The following DUS4L variants were observed in gnomAD, a reference collection of about 807,000 sequenced individuals.
The protein encoded by DUS4L is dihydrouridine synthase 4 like.
In DUS4L, 31 loss-of-function variants were observed where a neutral mutation model predicts 33.8. That is an observed-to-expected ratio of 0.92 (90% CI 0.69 to 1.24). The LOEUF is 1.24. DUS4L is among the 50% of genes most tolerant of loss of function. The pLI is 0.00. For missense variants in DUS4L, 368 were observed against 388.6 expected, an observed-to-expected ratio of 0.95 and a Z score of 0.45; for synonymous variants, 103 against 120.3, an observed-to-expected ratio of 0.86 and a Z score of 0.94.
intron 7 of DUS4L, 165 bp from the exon 8 acceptor site, chr7:107,577,148 C>A: frequency 2.1e-6 from 2 of 974,750 alleles, no homozygotes; most frequent in Non-Finnish European, 2.9e-6. Context: ...CAAAAGGTAC[C>A]AAAATTAATT....
At position 107,578,242 on chromosome 7, in the gene DUS4L, GAAT is replaced by G. The variant is rs1364569131; in HGVS notation, c.*684_*686del. ...TTATATATTTGAAATATTTCCTAGAGAATAGTAACCAGGTTTTGTTTTTAACTT... is the reference window on the plus strand; with the variant it reads ...TTATATATTTGAAATATTTCCTAGAGAGTAACCAGGTTTTGTTTTTAACTT... On this transcript the variant is annotated 3_prime_UTR_variant, in exon 8 of 8. Transcript: ENST00000265720. 6.6e-6 allele frequency: 1 copy of G among 152,120 alleles called. No homozygotes were observed. The highest frequency in any genetic ancestry group is 1.5e-5 in the Non-Finnish European group (1 of 68,014). 9.4% of individuals were successfully genotyped at this position (152,120 alleles called of 1,614,324 possible). A position where few individuals can be genotyped will look rare whatever the true frequency, so the allele number is the denominator to read the frequency against.
chr7:107,576,921 TC>T (rs1452855462), intron 7 of DUS4L: 5 of 291,940 alleles, frequency 1.7e-5, no homozygotes, highest in Non-Finnish European at 3.2e-5. Context: ...GCTAAAGGAA[TC>T]CCAGAACTGC....
At position 107,564,086 on chromosome 7, in the gene DUS4L, C is replaced by T; in HGVS notation, c.-234C>T. On this transcript the variant is annotated 5_prime_UTR_variant, in exon 1 of 8. Coordinates refer to ENST00000265720, the MANE Select transcript of DUS4L (RefSeq NM_181581.3). ...TACTCGAGCAGTGGGCGCCCAGGGT[C>T]CGAGTGCTCTGCGCCCAGCGCACCG... The T allele has an allele frequency of 1.5e-6, 2 of 1,338,572 alleles. No individual in the cohort carries two copies. The highest frequency in any genetic ancestry group is 2.5e-5 in the South Asian group (2 of 78,774). The allele number at this position is 1,338,572 out of a possible 1,614,324, so 82.9% of individuals were successfully genotyped here.
intron 5 of DUS4L, chr7:107,574,930 T>C (rs566906341): frequency 1.1e-5 from 5 of 446,386 alleles, no homozygotes; most frequent in East Asian, 5.3e-5. Context: ...TTTAAACCTG[T>C]TTTGGTTGAA....
intron 7 of DUS4L, 109 bp downstream of exon 7, chr7:107,576,701 T>G: frequency 9.2e-7 from 1 of 1,087,622 alleles, no homozygotes; most frequent in Non-Finnish European, 1.3e-6. Flanking sequence ...AGCCATATTT[T>G]CCCATTGTAC....
chr7:107,564,069 C>T lies in DUS4L; in HGVS notation c.-251C>T, dbSNP rs1181716725. 6 of 1,452,454 alleles carry T rather than the reference C, an allele frequency of 4.1e-6. No homozygotes were observed. The highest frequency in any genetic ancestry group is 5.6e-6 in the Non-Finnish European group (6 of 1,072,152). 90.0% of individuals were successfully genotyped at this position (1,452,454 alleles called of 1,614,324 possible). A position where few individuals can be genotyped will look rare whatever the true frequency, so the allele number is the denominator to read the frequency against. On this transcript the variant is annotated 5_prime_UTR_variant, in exon 1 of 8. Coordinates refer to ENST00000265720, the MANE Select transcript of DUS4L (RefSeq NM_181581.3). ...GCTAGGAGCCGCGCAGGTACTCGAG[C>T]AGTGGGCGCCCAGGGTCCGAGTGCT...
intron 3 of DUS4L, chr7:107,570,395 A>G (rs1012916548): frequency 6.6e-6 from 1 of 152,156 alleles, no homozygotes; most frequent in Admixed American, 6.5e-5. Flanking sequence ...GTAGCCTCAT[A>G]TGTGCTGGGC....
chr7:107,575,060 A>C (rs961536230), intron 5 of DUS4L, 128 bp from the exon 6 acceptor site: 5 of 1,290,424 alleles, frequency 3.9e-6, no homozygotes, highest in Non-Finnish European at 5.5e-6. Flanking sequence ...GAATCTATGA[A>C]TTTTTTATAT....
At chr7:107,573,580 C>A in intron 4 of DUS4L, 124 bp from the exon 5 acceptor site, 1 of 844,296 alleles carries the variant, frequency 1.2e-6, no homozygotes, top group Non-Finnish European at 1.7e-6. Context: ...ATTATTTGGA[C>A]AGATGCTTCT....
Position 107,564,099 on chromosome 7 carries a change from GC to G in DUS4L, c.-218del. 1 of 1,250,436 alleles carries G rather than the reference GC, an allele frequency of 8.0e-7. No individual in the cohort carries two copies. Among genetic ancestry groups the G allele is most frequent in the Non-Finnish European group, 1.1e-6 (1 of 894,556 alleles). 77.5% of individuals were successfully genotyped at this position (1,250,436 alleles called of 1,614,324 possible). A position where few individuals can be genotyped will look rare whatever the true frequency, so the allele number is the denominator to read the frequency against. On this transcript the variant is annotated 5_prime_UTR_variant, in exon 1 of 8. Coordinates refer to ENST00000265720, the MANE Select transcript of DUS4L (RefSeq NM_181581.3). ...GGCGCCCAGGGTCCGAGTGCTCTGCGCCCAGCGCACCGAGGGAGCCAAGGCC... is the reference window on the plus strand; with the variant it reads ...GGCGCCCAGGGTCCGAGTGCTCTGCGCCAGCGCACCGAGGGAGCCAAGGCC...
Position 107,577,362 on chromosome 7 carries a change from A to T in DUS4L, c.756A>T (p.Gly252=). 1 of 1,614,152 alleles carries T rather than the reference A, an allele frequency of 6.2e-7. No individual in the cohort carries two copies. Among genetic ancestry groups the T allele is most frequent in the Non-Finnish European group, 8.5e-7 (1 of 1,180,030 alleles). ...GLLANPAMFA[G]YEETPLKCIW... ...TAGCAAACCCGGCCATGTTTGCTGG[A>T]TATGAGGAAACCCCACTGAAATGCA... The change falls in exon 8 of 8, where the codon GGA becomes GGT. Residue 252 remains glycine (G), a synonymous_variant. Transcript: ENST00000265720.
At position 107,575,275 on chromosome 7, in the gene DUS4L, G is replaced by A. The variant is rs1805625266; in HGVS notation, c.444G>A (p.Val148=). 6.2e-7 allele frequency: 1 copy of A among 1,610,320 alleles called. No individual in the cohort carries two copies. Residue 148 remains valine, a synonymous_variant, in exon 6 of 8, where the codon GTG becomes GTA. Coordinates refer to ENST00000265720, the MANE Select transcript of DUS4L (RefSeq NM_181581.3). ...QDMVKQVRNQ[V]ETPGFSVSIK... ...TGGTGAAACAAGTAAGAAATCAAGTGGAAACCCCTGGATTTTCAGTTTCTA... is the reference window on the plus strand; with the variant it reads ...TGGTGAAACAAGTAAGAAATCAAGTAGAAACCCCTGGATTTTCAGTTTCTA...
At chr7:107,576,276 A>G (rs1805735249) in intron 6 of DUS4L, 90 bp from the exon 7 acceptor site, 1 of 1,276,122 alleles carries the variant, frequency 7.8e-7, no homozygotes, top group African/African-American at 1.5e-5. Context: ...AAGCTAACTA[A>G]TTTGGTAGAT....
In DUS4L at chr7:107,571,921, G is replaced by C. The variant is rs531521756; in HGVS notation, c.238+655G>C. Among the ~76,000 whole-genome samples, 3 of 151,978 alleles carry C rather than the reference G, an allele frequency of 2.0e-5. No homozygotes were observed. In the South Asian group the frequency reaches 6.2e-4, roughly 32 times the overall value. The stretch of plus-strand genomic sequence containing the variant: ...AATTCCTAAGTTATTTTAAGTCCTT[G>C]AACATACACTGTCTTCTCACACCAG... On this transcript the variant is annotated intron_variant, in intron 4 of 7. Coordinates refer to ENST00000265720, the MANE Select transcript of DUS4L (RefSeq NM_181581.3).
intron 3 of DUS4L, chr7:107,570,120 C>T (rs1275593923): frequency 6.7e-6 from 1 of 149,896 alleles, no homozygotes; most frequent in Non-Finnish European, 1.5e-5. Context: ...AATGCCTTTT[C>T]TGCATCTATA....
chr7:107,575,736 G>A (rs774951904), intron 6 of DUS4L: 11 of 163,564 alleles, frequency 6.7e-5, no homozygotes, highest in South Asian at 1.7e-4. Flanking sequence ...CTGTTGCCCA[G>A]GCTGGAGTGC....
Position 107,576,375 on chromosome 7 carries a change from TG to T in DUS4L, c.490del (p.Asp164ThrfsTer6). 6.2e-7 allele frequency: 1 copy of T among 1,605,830 alleles called. No homozygotes were observed. The highest frequency in any genetic ancestry group is 8.5e-7 in the Non-Finnish European group (1 of 1,178,108). On this transcript the variant is annotated frameshift_variant, in exon 7 of 8. Coordinates refer to ENST00000265720, the MANE Select transcript of DUS4L (RefSeq NM_181581.3). LOFTEE classifies it high-confidence loss of function. ...SVSIKIRIHD[D>X]LKRTVDLCQK... ...AATTTTGAAATTGTAGGATCCATGA[TG>T]ACCTTAAAAGAACTGTAGATCTTTG...
In DUS4L at chr7:107,576,389, C is replaced by G. The variant is rs1466914904; in HGVS notation, c.503C>G (p.Thr168Ser). The change falls in exon 7 of 8, where the codon ACT (threonine) becomes AGT (serine). Residue 168 changes from threonine (T) to serine (S), a missense_variant. Coordinates refer to ENST00000265720, the MANE Select transcript of DUS4L (RefSeq NM_181581.3). ...AGGATCCATGATGACCTTAAAAGAACTGTAGATCTTTGTCAAAAGGCTGAA... is the reference window on the plus strand; with the variant it reads ...AGGATCCATGATGACCTTAAAAGAAGTGTAGATCTTTGTCAAAAGGCTGAA... ...KIRIHDDLKR[T>S]VDLCQKAEAT... The G allele has an allele frequency of 1.2e-6, 2 of 1,608,804 alleles. No individual in the cohort carries two copies. The highest frequency in any genetic ancestry group is 1.7e-6 in the Non-Finnish European group (2 of 1,178,846).
rs752666229 is a variant in DUS4L, at chr7:107,567,110, A to G, written c.40A>G (p.Arg14Gly). 1 of 1,613,686 alleles carries G rather than the reference A, an allele frequency of 6.2e-7. No individual in the cohort carries two copies. The highest frequency in any genetic ancestry group is 8.5e-7 in the Non-Finnish European group (1 of 1,179,718). ...CATGCAAACGACAATATGTCAGGAA[A>G]GAAAAAAAGATCCCATAGAAATGTT... is the stretch of plus-strand genomic sequence containing the variant. The part of the protein sequence containing the change: ...DCMQTTICQE[R>G]KKDPIEMFHS... Residue 14 changes from arginine (R) to glycine (G), a missense_variant, in exon 3 of 8, where the codon AGA becomes GGA. Physicochemically the swap from Arg to Gly is moderately radical, Grantham distance 125. Transcript: ENST00000265720.
Sources: allele counts gnomAD v4.1 joint callset (sites outside exome capture counted in the v4.1 genomes callset), GRCh38; gene constraint gnomAD v4.1.1; transcripts MANE v1.5; gene names NCBI Gene and HGNC (gene_info 2026-07-23, HGNC 2026-07-21).